The following HRG variants were observed in gnomAD, a reference collection of about 807,000 sequenced individuals.
HRG encodes histidine-rich glycoprotein.
A neutral mutation model predicts 29.5 loss-of-function variants in HRG; 26 were observed. The observed-to-expected ratio is 0.88, with a 90% CI of 0.65 to 1.22. HRG has a LOEUF of 1.22. HRG is among the 50% of genes most tolerant of loss of function. The pLI is 0.00. For missense variants in HRG, 671 were observed against 654.5 expected (o/e 1.03, Z -0.28); for synonymous variants, 243 against 240.4 (o/e 1.01, Z -0.10).
rs1176053587 is a variant in HRG at position 186,675,294 on chromosome 3, T to TGA, written c.741+105_741+106insAG. ...AAAGCTCTATGAGTGGGTGTGTGTG[T>TGA]GTGTGTGTGTGTGTGAGAGAGAGAG... On this transcript the variant is annotated intron_variant, in intron 6 of 6. Transcript: ENST00000232003. 464 of 563,856 alleles carry TGA rather than the reference T, an allele frequency of 8.2e-4. 1 individual carries two copies. In the African/African-American group the frequency reaches 0.01, roughly 13 times the overall value. The allele number at this position is 563,856 out of a possible 1,614,324, so 34.9% of individuals were successfully genotyped here. A position where few individuals can be genotyped will look rare whatever the true frequency, so the allele number is the denominator to read the frequency against.
intron 5 of HRG, chr3:186,673,515 A>G (rs1718875293): frequency 6.2e-6 from 1 of 162,106 alleles, no homozygotes; most frequent in East Asian, 1.7e-4. Context: ...TAAGCGAACC[A>G]TAAGAACATG....
chr3:186,672,785 A>G lies in HRG; in HGVS notation c.559-2A>G. 1 of 1,602,410 alleles carries G rather than the reference A, an allele frequency of 6.2e-7. No homozygotes were observed. The highest frequency in any genetic ancestry group is 8.6e-7 in the Non-Finnish European group (1 of 1,169,502). On this transcript the variant is annotated splice_acceptor_variant, in intron 4 of 6. Transcript: ENST00000232003. LOFTEE classifies it high-confidence loss of function. Reference sequence around the variant, plus strand: ...AAACTATTTTGATCCCATCTGTTCTAGAGAGGAGGGGAAGGAACTGGTTAC... The same window carrying G: ...AAACTATTTTGATCCCATCTGTTCTGGAGAGGAGGGGAAGGAACTGGTTAC...
intron 1 of HRG, chr3:186,667,053 GA>G (rs1470167125): frequency 6.6e-6 from 1 of 152,264 alleles, no homozygotes; most frequent in African/African-American, 2.4e-5. Flanking sequence ...AGGCTGTGCA[GA>G]ATGCAGAAGT....
At chr3:186,671,923 A>C (rs1718810961) in intron 4 of HRG, 134 bp downstream of exon 4, 1 of 787,122 alleles carries the variant, frequency 1.3e-6, no homozygotes, top group Non-Finnish European at 2.2e-6. Context: ...TGAGGCCATA[A>C]AAGACAGGCA....
intron 6 of HRG, among the ~76,000 whole-genome samples, chr3:186,676,762 G>T (rs7617554): frequency 0.53 from 81,015 of 151,760 alleles, 22,271 homozygotes; most frequent in East Asian, 0.8. Context: ...GCAATGAGCA[G>T]AGATCGCACC....
intron 3 of HRG, 122 bp from the exon 4 acceptor site, chr3:186,671,501 A>T: frequency 1.0e-6 from 1 of 971,054 alleles, no homozygotes; most frequent in Non-Finnish European, 1.7e-6. Context: ...TGAAGCAGTT[A>T]CTCAGCTCTT....
chr3:186,672,924 G>C, intron 5 of HRG, 57 bp downstream of exon 5: 1 of 1,135,988 alleles, frequency 8.8e-7, no homozygotes. Flanking sequence ...AAAAGAAAGA[G>C]AAGAAGGAGA....
chr3:186,669,570 C>T (rs1718718383), intron 2 of HRG: 7 of 365,732 alleles, frequency 1.9e-5, no homozygotes, highest in Admixed American at 4.0e-5. Context: ...ATTGACATGC[C>T]AGGCTCTCTG....
chr3:186,668,126 TGTTAG>T (rs1333209864), intron 1 of HRG, among the ~76,000 whole-genome samples: 2 of 152,102 alleles, frequency 1.3e-5, no homozygotes, highest in Non-Finnish European at 2.9e-5. Flanking sequence ...CATCAACACA[TGTTAG>T]GGCATAGGAT....
chr3:186,666,366 C>T, intron 1 of HRG, 152 bp downstream of exon 1: 3 of 736,680 alleles, frequency 4.1e-6, no homozygotes, highest in Non-Finnish European at 6.8e-6. Flanking sequence ...GTTCTTTTTT[C>T]CTTCAAACTA....
In HRG at chr3:186,678,083, G is replaced by A. The variant is rs1409674849; in HGVS notation, c.*200G>A. ...GGAAAGAACTCAGTGCTGCCTATTA[G>A]TAGTTAATTCTGTCACTCACCACTA... On this transcript the variant is annotated 3_prime_UTR_variant, in exon 7 of 7. Coordinates refer to ENST00000232003, the MANE Select transcript of HRG (RefSeq NM_000412.5). 1.7e-6 allele frequency: 1 copy of A among 574,102 alleles called. No individual in the cohort carries two copies. The highest frequency in any genetic ancestry group is 3.1e-6 in the Non-Finnish European group (1 of 324,452). 35.6% of individuals were successfully genotyped at this position (574,102 alleles called of 1,614,324 possible). A position where few individuals can be genotyped will look rare whatever the true frequency, so the allele number is the denominator to read the frequency against.
chr3:186,673,120 T>A (rs1579077609), intron 5 of HRG: 2 of 547,424 alleles, frequency 3.7e-6, no homozygotes, highest in East Asian at 6.6e-5. Flanking sequence ...GTTTTGTTTT[T>A]GAGATGGAGT....
rs767378755 is a variant in HRG, at chr3:186,675,103, C to CAG, written c.657_658dup (p.Ala220GlufsTer8). On this transcript the variant is annotated frameshift_variant, in exon 6 of 7. Coordinates refer to ENST00000232003, the MANE Select transcript of HRG (RefSeq NM_000412.5). LOFTEE classifies it high-confidence loss of function. Reference sequence around the variant, plus strand: ...TTCCTTTGTAGGTCTTTGGATTCTGCAGAGCAGATTTGTTCTATGATGTAG... The same window carrying CAG: ...TTCCTTTGTAGGTCTTTGGATTCTGCAGAGAGCAGATTTGTTCTATGATGTAG... 2 of 1,612,772 alleles carry CAG rather than the reference C, an allele frequency of 1.2e-6. No individual in the cohort carries two copies. Among genetic ancestry groups the CAG allele is most frequent in the South Asian group, 1.1e-5 (1 of 91,058 alleles).
At chr3:186,668,669 C>T (rs1718686160) in intron 1 of HRG, 2 of 445,228 alleles carry the variant, frequency 4.5e-6, no homozygotes, top group African/African-American at 4.0e-5. Flanking sequence ...ATGATGCCTC[C>T]GCTAAACCAC....
chr3:186,668,951 A>G lies in HRG; in HGVS notation c.200A>G (p.Tyr67Cys), dbSNP rs1718696120. 1.3e-6 allele frequency: 2 copies of G among 1,598,084 alleles called. No homozygotes were observed. The highest frequency in any genetic ancestry group is 1.7e-6 in the Non-Finnish European group (2 of 1,165,242). The change falls in exon 2 of 7, where the codon TAT becomes TGT. Residue 67 changes from tyrosine (Y) to cysteine (C), a missense_variant. Tyr to Cys is a radical substitution (Grantham distance 194). Coordinates refer to ENST00000232003, the MANE Select transcript of HRG (RefSeq NM_000412.5). Reference sequence around the variant, plus strand: ...ATTCCTCAGGAAAATACAACTGTATATTACTTAGTCTTAGATGTGCAAGAA... The same window carrying G: ...ATTCCTCAGGAAAATACAACTGTATGTTACTTAGTCTTAGATGTGCAAGAA... ...HLDRVENTTVYYLVLDVQESD... is the reference protein window; with the variant it reads ...HLDRVENTTVCYLVLDVQESD...
At chr3:186,666,707 G>GGCAAA (rs1718620843) in intron 1 of HRG, among the ~76,000 whole-genome samples, 2 of 152,104 alleles carry the variant, frequency 1.3e-5, no homozygotes, top group African/African-American at 4.8e-5. Flanking sequence ...GAGGTCAGGA[G>GGCAAA]TTCAAGACCA....
At chr3:186,676,271 C>T (rs1252920287) in intron 6 of HRG, among the ~76,000 whole-genome samples, 1 of 151,868 alleles carries the variant, frequency 6.6e-6, no homozygotes, top group Non-Finnish European at 1.5e-5. Flanking sequence ...CATCAAGCCT[C>T]AGTTAAGAAT....
Position 186,677,579 on chromosome 3 carries a change from G to A in HRG, c.1274G>A (p.Gly425Asp), listed in dbSNP as rs770655221. ...GPCDPPPHNQ[G>D]HCCHGHGPPP... ...TGTGACCCACCACCCCATAACCAAGGTCACTGTTGCCATGGCCACGGCCCA... is the reference window on the plus strand; with the variant it reads ...TGTGACCCACCACCCCATAACCAAGATCACTGTTGCCATGGCCACGGCCCA... Residue 425 changes from glycine to aspartate, a missense_variant, in exon 7 of 7, where the codon GGT (glycine) becomes GAT (aspartate). Gly to Asp is a moderately conservative substitution (Grantham distance 94, BLOSUM62 -1). Coordinates refer to ENST00000232003, the MANE Select transcript of HRG (RefSeq NM_000412.5). 6 of 1,613,926 alleles carry A rather than the reference G, an allele frequency of 3.7e-6. No homozygotes were observed. The highest frequency in any genetic ancestry group is 1.7e-5 in the Admixed American group (1 of 59,984).
intron 5 of HRG, 125 bp from the exon 6 acceptor site, chr3:186,674,964 C>G (rs139353175): frequency 2.9e-4 from 216 of 756,488 alleles, no homozygotes; most frequent in Non-Finnish European, 5.1e-4. Flanking sequence ...GTGGGAATAT[C>G]TGATCATATT....
Sources: gnomAD v4.1 joint callset for allele counts (sites outside exome capture counted in the v4.1 genomes callset) on GRCh38, gnomAD v4.1.1 for gene constraint, MANE v1.5 for transcripts, NCBI Gene and HGNC (gene_info 2026-07-23, HGNC 2026-07-21) for gene names.